Variants in AUTS2 observed in about 807,000 individuals in gnomAD.
The protein encoded by AUTS2 is autism susceptibility gene 2 protein.
A neutral mutation model predicts 112.4 loss-of-function variants in AUTS2; 17 were observed. The observed-to-expected ratio is 0.15, with a 90% CI of 0.10 to 0.23. AUTS2 has a LOEUF of 0.23. AUTS2 is among the 10% of genes least tolerant of loss of function. The pLI is 1.00. For missense variants in AUTS2, 1,510 were observed against 1,701.6 expected (o/e 0.89, Z 1.98); for synonymous variants, 751 against 702.7 (o/e 1.07, Z -1.09).
intron 1 of AUTS2, among the ~76,000 whole-genome samples, chr7:69,858,582 G>A (rs1039689622): frequency 6.6e-6 from 1 of 152,206 alleles, no homozygotes; most frequent in African/African-American, 2.4e-5. Context: ...CTGCTGAGCT[G>A]CTTTGGGCTG....
At position 70,785,324 on chromosome 7, in the gene AUTS2, C is replaced by T. The variant is rs1045411426; in HGVS notation, c.2224+305C>T. The T allele has an allele frequency of 2.9e-5, 17 of 584,914 alleles. No individual in the cohort carries two copies. The African/African-American group carries it at 3.1e-4, about 11-fold the overall frequency. The allele number at this position is 584,914 out of a possible 1,614,324, so 36.2% of individuals were successfully genotyped here. A position where few individuals can be genotyped will look rare whatever the true frequency, so the allele number is the denominator to read the frequency against. On this transcript the variant is annotated intron_variant, in intron 16 of 18. Transcript: ENST00000342771. ...CTCAGGGAATCCGAGTTTACAACAG[C>T]CTGTTCCTGCCCATTGGAAGAAGAT... is the stretch of plus-strand genomic sequence containing the variant.
chr7:70,658,621 T>C (rs1806904879), intron 5 of AUTS2, among the ~76,000 whole-genome samples: 1 of 152,332 alleles, frequency 6.6e-6, no homozygotes, highest in Non-Finnish European at 1.5e-5. Flanking sequence ...ATAGGATTCT[T>C]AAGAACTGCC....
intron 1 of AUTS2, 92 bp downstream of exon 1, chr7:69,600,054 CTG>C: frequency 2.4e-6 from 2 of 834,928 alleles, no homozygotes; most frequent in Non-Finnish European, 3.5e-6. Context: ...GCGCTCCGGG[CTG>C]TCTGTCTGTC....
intron 2 of AUTS2, among the ~76,000 whole-genome samples, chr7:70,051,579 C>T (rs567412741): frequency 1.7e-4 from 26 of 151,928 alleles, no homozygotes; most frequent in Middle Eastern, 3.4e-3. Context: ...ATTACCCAGG[C>T]GTGGTGGTGG....
intron 5 of AUTS2, among the ~76,000 whole-genome samples, chr7:70,683,076 G>A (rs1808290400): frequency 1.3e-5 from 2 of 152,208 alleles, no homozygotes; most frequent in Admixed American, 1.3e-4. Flanking sequence ...TCTAATGGGA[G>A]GCATGACATG....
chr7:69,814,883 C>T (rs905801535), intron 1 of AUTS2, among the ~76,000 whole-genome samples: 1 of 152,200 alleles, frequency 6.6e-6, no homozygotes, highest in Non-Finnish European at 1.5e-5. Context: ...GAAAAGCATT[C>T]GTGGCATCTT....
intron 4 of AUTS2, among the ~76,000 whole-genome samples, chr7:70,263,962 C>T (rs186945580): frequency 2.0e-5 from 3 of 152,160 alleles, no homozygotes; most frequent in East Asian, 3.9e-4. Context: ...TGGAAGTTAC[C>T]GGGGGGTCAT....
At chr7:70,290,274 C>A in intron 4 of AUTS2, 1 of 1,225,974 alleles carries the variant, frequency 8.2e-7, no homozygotes, top group Non-Finnish European at 1.1e-6. Context: ...AAACAAATTA[C>A]CAATGATGTA....
At chr7:69,967,079 A>G (rs1797662116) in intron 2 of AUTS2, among the ~76,000 whole-genome samples, 1 of 152,146 alleles carries the variant, frequency 6.6e-6, no homozygotes, top group African/African-American at 2.4e-5. Flanking sequence ...CTATTTGCTA[A>G]AGAGACTGGA....
At chr7:70,600,621 G>C (rs924024481) in intron 5 of AUTS2, among the ~76,000 whole-genome samples, 1 of 152,116 alleles carries the variant, frequency 6.6e-6, no homozygotes, top group African/African-American at 2.4e-5. Context: ...TAGTATATTT[G>C]CAACCCTCGC....
intron 4 of AUTS2, among the ~76,000 whole-genome samples, chr7:70,314,039 T>C (rs985973710): frequency 6.6e-6 from 1 of 152,364 alleles, no homozygotes; most frequent in Admixed American, 6.5e-5. Flanking sequence ...CTGCCTTCTT[T>C]TTAAGCAGGA....
At chr7:70,783,484 A>T (rs1186738435) in intron 15 of AUTS2, 1 of 152,042 alleles carries the variant, frequency 6.6e-6, no homozygotes. Flanking sequence ...GACAGCAACA[A>T]CCCCTACGTT....
At chr7:70,092,329 C>G (rs1440676035) in intron 2 of AUTS2, among the ~76,000 whole-genome samples, 1 of 152,082 alleles carries the variant, frequency 6.6e-6, no homozygotes, top group Non-Finnish European at 1.5e-5. Flanking sequence ...TGTTTTTGAG[C>G]TGATAAAATC....
intron 4 of AUTS2, among the ~76,000 whole-genome samples, chr7:70,274,015 A>G (rs1240263029): frequency 6.6e-6 from 1 of 152,112 alleles, no homozygotes; most frequent in African/African-American, 2.4e-5. Flanking sequence ...TAAATGAATA[A>G]TAGTAGGGCA....
intron 5 of AUTS2, among the ~76,000 whole-genome samples, chr7:70,498,574 G>A: frequency 6.6e-6 from 1 of 152,170 alleles, no homozygotes; most frequent in Non-Finnish European, 1.5e-5. Context: ...GAAGGGACTA[G>A]GTGGGGGGTT....
intron 2 of AUTS2, among the ~76,000 whole-genome samples, chr7:69,934,001 G>T (rs756927573): frequency 2.0e-5 from 3 of 152,152 alleles, no homozygotes; most frequent in Admixed American, 6.5e-5. Context: ...TACTGTTCTC[G>T]AATTTTTATG....
At chr7:69,930,214 GT>G (rs1346464466) in intron 2 of AUTS2, among the ~76,000 whole-genome samples, 8 of 152,172 alleles carry the variant, frequency 5.3e-5, no homozygotes, top group African/African-American at 1.7e-4. Flanking sequence ...TCTTTTGGGT[GT>G]TTCTTTCCCC....
At chr7:70,679,842 G>A (rs903224684) in intron 5 of AUTS2, among the ~76,000 whole-genome samples, 1 of 152,172 alleles carries the variant, frequency 6.6e-6, no homozygotes, top group Non-Finnish European at 1.5e-5. Flanking sequence ...TTGTTCTTTC[G>A]TTCTGAAGTC....
intron 5 of AUTS2, among the ~76,000 whole-genome samples, chr7:70,635,824 G>A (rs995861498): frequency 6.6e-6 from 1 of 152,228 alleles, no homozygotes; most frequent in Non-Finnish European, 1.5e-5. Flanking sequence ...TGGACCCTAG[G>A]AGAGACTTTG....
Sources: allele counts gnomAD v4.1 joint callset (sites outside exome capture counted in the v4.1 genomes callset), GRCh38; gene constraint gnomAD v4.1.1; transcripts MANE v1.5; gene names NCBI Gene and HGNC (gene_info 2026-07-23, HGNC 2026-07-21).